PSMA5: variants seen among roughly 807,000 people sequenced by gnomAD.
PSMA5 encodes proteasome 20S subunit alpha 5.
Under a neutral mutation model 34.5 loss-of-function variants are expected in PSMA5, and 3 were observed. The ratio of observed to expected loss-of-function variants is 0.09; its 90% CI spans 0.04 to 0.22. The LOEUF (loss-of-function observed/expected upper bound fraction) is 0.22, where lower values mean the gene tolerates loss of function less well. PSMA5 is among the 10% of genes least tolerant of loss of function. The pLI is 1.00. For missense variants in PSMA5, 120 were observed against 286.1 expected (o/e 0.42, Z 4.19); for synonymous variants, 88 against 95.8 (o/e 0.92, Z 0.47).
At chr1:109,406,188 T>C (rs200490602) in intron 8 of PSMA5, among the ~76,000 whole-genome samples, 2 of 152,142 alleles carry the variant, frequency 1.3e-5, no homozygotes, top group East Asian at 3.8e-4. Context: ...ATCTGACAAA[T>C]AAGAGTTATC....
In PSMA5 at chr1:109,412,057, G is replaced by A. The variant is rs374927722; in HGVS notation, c.399+20C>T. 1.5e-4 allele frequency: 249 copies of A among 1,606,932 alleles called. No individual in the cohort carries two copies. The highest frequency in any genetic ancestry group is 2.0e-4 in the Non-Finnish European group (235 of 1,173,628). Reference sequence around the variant, plus strand: ...GTCCCATAGAACAATAAGAAAACTCGACAGAAGTATCACACTCACCATGGC... The same window carrying A: ...GTCCCATAGAACAATAAGAAAACTCAACAGAAGTATCACACTCACCATGGC... On this transcript the variant is annotated intron_variant, in intron 5 of 8. Coordinates refer to ENST00000271308, the MANE Select transcript of PSMA5 (RefSeq NM_002790.4).
chr1:109,420,485 A>T (rs1477396762), intron 2 of PSMA5, among the ~76,000 whole-genome samples: 1 of 152,250 alleles, frequency 6.6e-6, no homozygotes, highest in Non-Finnish European at 1.5e-5. Context: ...TAGATGATGC[A>T]GGCCTCAAGA....
chr1:109,418,686 TC>T (rs1443274244), intron 2 of PSMA5, among the ~76,000 whole-genome samples: 1 of 152,044 alleles, frequency 6.6e-6, no homozygotes, highest in Non-Finnish European at 1.5e-5. Context: ...CTCAAGTGAT[TC>T]TCCTCCCTCA....
chr1:109,423,586 T>C (rs1265236274), intron 1 of PSMA5, among the ~76,000 whole-genome samples: 3 of 152,240 alleles, frequency 2.0e-5, no homozygotes, highest in Non-Finnish European at 4.4e-5. Flanking sequence ...CTTGCAAAAT[T>C]GACTTCATCT....
Position 109,401,856 on chromosome 1 carries a change from A to T in PSMA5, c.*157T>A. 6 of 519,718 alleles carry T rather than the reference A, an allele frequency of 1.2e-5. No homozygotes were observed. The South Asian group carries it at 1.9e-4, about 16-fold the overall frequency. 32.2% of individuals were successfully genotyped at this position (519,718 alleles called of 1,614,324 possible). ...AGAACAGTCTATTAACAAATATTTT[A>T]AAATTTTCTTTATTTCAGAACTGCC... On this transcript the variant is annotated 3_prime_UTR_variant, in exon 9 of 9. Transcript: ENST00000271308.
rs545781668 is a variant in PSMA5 at position 109,411,223 on chromosome 1, A to C, written c.459-110T>G. The C allele has an allele frequency of 3.3e-4, 224 of 685,664 alleles. 1 individual carries two copies. The highest frequency in any genetic ancestry group is 5.2e-4 in the Non-Finnish European group (205 of 393,764). The allele number at this position is 685,664 out of a possible 1,614,324, so 42.5% of individuals were successfully genotyped here. A position where few individuals can be genotyped will look rare whatever the true frequency, so the allele number is the denominator to read the frequency against. On this transcript the variant is annotated intron_variant, in intron 6 of 8. Coordinates refer to ENST00000271308, the MANE Select transcript of PSMA5 (RefSeq NM_002790.4). ...ATGCTTGGCCCTGCAGCCAGGAAAC[A>C]CCACTGAAATATTGAGGCACAGATC...
chr1:109,419,717 T>G (rs1654358173), intron 2 of PSMA5, among the ~76,000 whole-genome samples: 4 of 148,248 alleles, frequency 2.7e-5, no homozygotes, highest in African/African-American at 1.0e-4. Flanking sequence ...GAGAATTGCT[T>G]GAACCTGGGA....
At chr1:109,402,822 C>G (rs1441087880) in intron 8 of PSMA5, among the ~76,000 whole-genome samples, 4 of 152,200 alleles carry the variant, frequency 2.6e-5, no homozygotes, top group African/African-American at 9.6e-5. Flanking sequence ...TCTCCTGCCT[C>G]AGCCTCTCGA....
At chr1:109,418,728 A>T (rs773668907) in intron 2 of PSMA5, among the ~76,000 whole-genome samples, 1 of 152,236 alleles carries the variant, frequency 6.6e-6, no homozygotes, top group Non-Finnish European at 1.5e-5. Flanking sequence ...TATAGGGATG[A>T]GCAACAATGT....
rs1257027013 is a variant in PSMA5 at position 109,411,003 on chromosome 1, T to G, written c.561+8A>C. ...AAAATAGTAAGAGTTGTGAGAATAC[T>G]TAATTACCTTGTGGTAAACTTCTTG... On this transcript the variant is annotated splice_region_variant and intron_variant, in intron 7 of 8. Coordinates refer to ENST00000271308, the MANE Select transcript of PSMA5 (RefSeq NM_002790.4). 3 of 1,588,628 alleles carry G rather than the reference T, an allele frequency of 1.9e-6. No individual in the cohort carries two copies. The highest frequency in any genetic ancestry group is 2.6e-6 in the Non-Finnish European group (3 of 1,158,476).
chr1:109,419,616 G>A (rs1309821196), intron 2 of PSMA5, among the ~76,000 whole-genome samples: 8 of 151,832 alleles, frequency 5.3e-5, no homozygotes, highest in Non-Finnish European at 7.4e-5. Context: ...CAGCCTGACC[G>A]ATATGGTGAA....
At chr1:109,411,456 A>G (rs1359977489) in intron 6 of PSMA5, among the ~76,000 whole-genome samples, 1 of 152,132 alleles carries the variant, frequency 6.6e-6, no homozygotes, top group Non-Finnish European at 1.5e-5. Context: ...GTTACTTCTA[A>G]TTCCTTCCAG....
Position 109,401,907 on chromosome 1 carries a change from A to T in PSMA5, c.*106T>A. ...TTTATGTACAGACATCATTTAAAAA[A>T]TGCACATACAATGGAGATTTTCCAA... On this transcript the variant is annotated 3_prime_UTR_variant, in exon 9 of 9. Coordinates refer to ENST00000271308, the MANE Select transcript of PSMA5 (RefSeq NM_002790.4). 1 of 845,156 alleles carries T rather than the reference A, an allele frequency of 1.2e-6. No individual in the cohort carries two copies. The highest frequency in any genetic ancestry group is 2.6e-5 in the East Asian group (1 of 38,204). 52.4% of individuals were successfully genotyped at this position (845,156 alleles called of 1,614,324 possible). A position where few individuals can be genotyped will look rare whatever the true frequency, so the allele number is the denominator to read the frequency against.
rs1042122361 is a variant in PSMA5 at position 109,426,095 on chromosome 1, G to A, written c.29+207C>T. 1.7e-5 allele frequency: 11 copies of A among 643,624 alleles called. No homozygotes were observed. The East Asian group carries it at 2.7e-4, about 16-fold the overall frequency. The allele number at this position is 643,624 out of a possible 1,614,324, so 39.9% of individuals were successfully genotyped here. On this transcript the variant is annotated intron_variant, in intron 1 of 8. Coordinates refer to ENST00000271308, the MANE Select transcript of PSMA5 (RefSeq NM_002790.4). The stretch of plus-strand genomic sequence containing the variant: ...CGCTTCCGCACCGAGTTAGGACCCA[G>A]GGGTGACTCAGCGGTAGGACAAGTG...
chr1:109,423,625 A>G (rs1008902374), intron 1 of PSMA5, among the ~76,000 whole-genome samples: 5 of 152,196 alleles, frequency 3.3e-5, no homozygotes, highest in African/African-American at 1.2e-4. Flanking sequence ...GTTTTAATTT[A>G]AAACATCTCA....
intron 3 of PSMA5, 120 bp downstream of exon 3, chr1:109,415,117 C>G: frequency 1.6e-6 from 2 of 1,278,050 alleles, no homozygotes; most frequent in Non-Finnish European, 2.1e-6. Flanking sequence ...GGCCTACTGC[C>G]TGGAAAATAA....
chr1:109,411,981 A>T, intron 5 of PSMA5, 46 bp from the exon 6 acceptor site: 1 of 1,592,134 alleles, frequency 6.3e-7, no homozygotes, highest in Non-Finnish European at 8.6e-7. Context: ...GCTATAAAGT[A>T]AGGAGGTGAG....
chr1:109,422,028 G>A (rs527947160), intron 1 of PSMA5, 102 bp from the exon 2 acceptor site: 34 of 648,028 alleles, frequency 5.2e-5, no homozygotes, highest in Non-Finnish European at 8.1e-5. Flanking sequence ...TACAGAATAC[G>A]CACATTGTCA....
intron 4 of PSMA5, chr1:109,412,636 A>AAAAC (rs1462517866): frequency 8.0e-4 from 136 of 169,896 alleles, no homozygotes; most frequent in African/African-American, 3.2e-3. Context: ...GTTTAAAAAA[A>AAAAC]AAAAAAACAG....
Sources: gnomAD v4.1 joint callset for allele counts (sites outside exome capture counted in the v4.1 genomes callset) on GRCh38, gnomAD v4.1.1 for gene constraint, MANE v1.5 for transcripts, NCBI Gene and HGNC (gene_info 2026-07-23, HGNC 2026-07-21) for gene names.